Variants in CTIF observed in about 807,000 individuals in gnomAD.
CTIF encodes the protein cap binding complex dependent translation initiation factor, also known as CBP80/20-dependent translation initiation factor.
CTIF carries 21 observed loss-of-function variants against 66.0 expected under a neutral mutation model. That is an observed-to-expected ratio of 0.32 (90% CI 0.23 to 0.46). The LOEUF (loss-of-function observed/expected upper bound fraction) is 0.46. Among genes scored for constraint, CTIF ranks in the 20% least tolerant of loss-of-function variants. The pLI is 1.00. For missense variants in CTIF, 739 were observed against 812.7 expected (o/e 0.91, Z 1.10); for synonymous variants, 345 against 326.4 (o/e 1.06, Z -0.62).
In CTIF at chr18:48,777,631, G is replaced by C. The variant is rs147935402; in HGVS notation, c.1371+15942G>C. ...TCCCTGGGAACAGTGCCTGCCCAGA[G>C]ACCCAGCTGCCCTTAGGAACGAATG... On this transcript the variant is annotated intron_variant, in intron 9 of 11. Transcript: ENST00000256413. Among the ~76,000 whole-genome samples the C allele has an allele frequency of 3.3e-3, 508 of 152,350 alleles. 4 individuals are homozygous for C. The highest frequency in any genetic ancestry group is 4.6e-3 in the Non-Finnish European group (316 of 68,018).
rs1267872493 is a variant in CTIF at position 48,570,153 on chromosome 18, CCA to C, written c.-29+30843_-29+30844del. 2.4e-4 allele frequency among the ~76,000 whole-genome samples: 37 copies of C among 152,292 alleles called. 2 individuals carry two copies. The highest frequency in any genetic ancestry group is 8.9e-4 in the African/African-American group (37 of 41,564). On this transcript the variant is annotated intron_variant, in intron 1 of 11. Transcript: ENST00000256413. The stretch of plus-strand genomic sequence containing the variant: ...CCTTGTAAAAAGAGGTAGACAATAA[CCA>C]CTCCCAGAGCTGTGGAGAGGCTGAA...
intron 9 of CTIF, among the ~76,000 whole-genome samples, chr18:48,799,221 C>G (rs1333631284): frequency 2.0e-5 from 3 of 152,214 alleles, no homozygotes. Flanking sequence ...GTAGAATACT[C>G]TCAGTTCACA....
chr18:48,566,096 A>G (rs2089274604), intron 1 of CTIF: 1 of 152,234 alleles, frequency 6.6e-6, no homozygotes, highest in Admixed American at 6.5e-5. Context: ...CCCATTGTAC[A>G]GTCCCCGGCT....
chr18:48,790,527 C>G (rs944325355), intron 9 of CTIF, among the ~76,000 whole-genome samples: 1 of 152,258 alleles, frequency 6.6e-6, no homozygotes, highest in African/African-American at 2.4e-5. Context: ...CAGCAGCCCC[C>G]TCCCCATCCC....
chr18:48,724,440 C>T (rs1349539273), intron 7 of CTIF, among the ~76,000 whole-genome samples: 1 of 152,170 alleles, frequency 6.6e-6, no homozygotes, highest in Non-Finnish European at 1.5e-5. Context: ...GTTCTTTGAA[C>T]AGGCCTGTCT....
chr18:48,808,731 C>T (rs1229145644), intron 9 of CTIF, among the ~76,000 whole-genome samples: 1 of 152,174 alleles, frequency 6.6e-6, no homozygotes, highest in Non-Finnish European at 1.5e-5. Flanking sequence ...TGTTTCTAGG[C>T]TATCTGATCT....
At chr18:48,736,285 G>C (rs2092502154) in intron 7 of CTIF, among the ~76,000 whole-genome samples, 1 of 152,144 alleles carries the variant, frequency 6.6e-6, no homozygotes, top group Non-Finnish European at 1.5e-5. Flanking sequence ...TTGAGTGAAT[G>C]CCTGTGCCTC....
At chr18:48,721,313 G>T (rs1335100244) in intron 7 of CTIF, among the ~76,000 whole-genome samples, 1 of 152,206 alleles carries the variant, frequency 6.6e-6, no homozygotes, top group Non-Finnish European at 1.5e-5. Context: ...ATTTCCCCAA[G>T]GTCTGCGTCT....
chr18:48,758,849 C>A (rs531474621), intron 8 of CTIF, among the ~76,000 whole-genome samples: 1 of 152,332 alleles, frequency 6.6e-6, no homozygotes, highest in Admixed American at 6.5e-5. Flanking sequence ...GCAGTGGTCT[C>A]TGCCAGAATG....
intron 9 of CTIF, among the ~76,000 whole-genome samples, chr18:48,790,087 A>G (rs959844549): frequency 1.2e-4 from 19 of 152,192 alleles, no homozygotes; most frequent in African/African-American, 4.6e-4. Flanking sequence ...GCTGCCTACT[A>G]GGTGTTGGGG....
At chr18:48,727,070 GCA>G (rs35188197) in intron 7 of CTIF, among the ~76,000 whole-genome samples, 25,099 of 144,122 alleles carry the variant, frequency 0.17, 2,146 homozygotes, top group Middle Eastern at 0.31. Context: ...CAAGTTAGCT[GCA>G]CACACACACA....
chr18:48,729,989 C>T (rs540546831), intron 7 of CTIF, among the ~76,000 whole-genome samples: 3 of 152,354 alleles, frequency 2.0e-5, no homozygotes, highest in African/African-American at 7.2e-5. Context: ...GGAGGCTTCA[C>T]CTCCAGGTGG....
At chr18:48,674,015 T>C (rs1396331211) in intron 6 of CTIF, among the ~76,000 whole-genome samples, 1 of 152,224 alleles carries the variant, frequency 6.6e-6, no homozygotes, top group African/African-American at 2.4e-5. Flanking sequence ...CTGACACTTC[T>C]GCAGGGGAGC....
chr18:48,608,697 A>C (rs537317696), intron 1 of CTIF, among the ~76,000 whole-genome samples: 1 of 152,356 alleles, frequency 6.6e-6, no homozygotes, highest in African/African-American at 2.4e-5. Flanking sequence ...CAGGCCTGCA[A>C]GGCCACAGCC....
intron 5 of CTIF, among the ~76,000 whole-genome samples, chr18:48,666,254 C>A (rs1435790279): frequency 6.6e-6 from 1 of 152,164 alleles, no homozygotes; most frequent in Non-Finnish European, 1.5e-5. Flanking sequence ...TTACTGGACA[C>A]TATCCTACAT....
chr18:48,688,790 C>T (rs1330575214), intron 6 of CTIF, among the ~76,000 whole-genome samples: 2 of 152,174 alleles, frequency 1.3e-5, no homozygotes, highest in African/African-American at 4.8e-5. Flanking sequence ...TCTAGAATTT[C>T]CTAGAGATCA....
intron 9 of CTIF, among the ~76,000 whole-genome samples, chr18:48,815,901 C>T (rs1330732154): frequency 2.0e-5 from 3 of 150,744 alleles, no homozygotes; most frequent in Admixed American, 6.7e-5. Context: ...AGAATCTTGG[C>T]GTCATCTTGG....
chr18:48,712,155 C>T (rs1241977457), intron 7 of CTIF, among the ~76,000 whole-genome samples: 4 of 152,146 alleles, frequency 2.6e-5, no homozygotes, highest in South Asian at 2.1e-4. Context: ...GTCCCTCATG[C>T]GTGCTGGCTC....
At chr18:48,604,377 A>G (rs890448751) in intron 1 of CTIF, among the ~76,000 whole-genome samples, 3 of 147,868 alleles carry the variant, frequency 2.0e-5, no homozygotes, top group African/African-American at 7.5e-5. Context: ...ACGGGGTTTC[A>G]CAGTGTTAGC....
Sources: allele counts gnomAD v4.1 joint callset (sites outside exome capture counted in the v4.1 genomes callset), GRCh38; gene constraint gnomAD v4.1.1; transcripts MANE v1.5; gene names NCBI Gene and HGNC (gene_info 2026-07-23, HGNC 2026-07-21).